MGAT4C: variants seen among roughly 807,000 people sequenced by gnomAD.
MGAT4C encodes MGAT4 family member C.
In MGAT4C, 19 loss-of-function variants were observed where a neutral mutation model predicts 40.1. The ratio of observed to expected loss-of-function variants is 0.47; its 90% CI spans 0.33 to 0.70. The LOEUF (loss-of-function observed/expected upper bound fraction) is 0.70. Ranked by LOEUF, MGAT4C falls within the 30% of genes least tolerant of loss-of-function variation. The probability of loss-of-function intolerance (pLI) is 0.02; values close to 1 mark genes in which losing one functional copy is unlikely to be tolerated. For synonymous variants in MGAT4C, 181 were observed against 187.1 expected (o/e 0.97, Z 0.27); for missense variants, 491 against 563.2 (o/e 0.87, Z 1.30).
At chr12:86,373,253 T>G (rs1955756566) in intron 3 of MGAT4C, among the ~76,000 whole-genome samples, 1 of 151,938 alleles carries the variant, frequency 6.6e-6, no homozygotes, top group Admixed American at 6.6e-5. Context: ...TGCTATTTTA[T>G]TTTTACTGTA....
intron 4 of MGAT4C, among the ~76,000 whole-genome samples, chr12:86,304,770 C>T (rs1239453767): frequency 6.6e-6 from 1 of 150,648 alleles, no homozygotes; most frequent in Non-Finnish European, 1.5e-5. Context: ...AGAAGAGATG[C>T]AGACACATGA....
intron 1 of MGAT4C, among the ~76,000 whole-genome samples, chr12:86,739,370 T>C (rs964665904): frequency 6.6e-6 from 1 of 150,846 alleles, no homozygotes; most frequent in Admixed American, 6.6e-5. Flanking sequence ...ATTTATATAT[T>C]CAGATATAAA....
At chr12:86,397,386 C>T (rs1055362987) in intron 3 of MGAT4C, among the ~76,000 whole-genome samples, 7 of 152,166 alleles carry the variant, frequency 4.6e-5, no homozygotes, top group South Asian at 2.1e-4. Context: ...TCCAAAACCC[C>T]GTTTTAAACC....
At chr12:86,605,602 C>T (rs1962015508) in intron 2 of MGAT4C, among the ~76,000 whole-genome samples, 1 of 152,236 alleles carries the variant, frequency 6.6e-6, no homozygotes, top group South Asian at 2.1e-4. Context: ...TTTAAACAAT[C>T]ATTACTTTGA....
chr12:86,439,235 AT>A (rs1957187192), intron 2 of MGAT4C, among the ~76,000 whole-genome samples: 1 of 152,028 alleles, frequency 6.6e-6, no homozygotes. Context: ...CCACAAAGCA[AT>A]TCTCAATAAA....
chr12:86,250,486 A>G (rs1952230103), intron 1 of MGAT4C, among the ~76,000 whole-genome samples: 1 of 147,808 alleles, frequency 6.8e-6, no homozygotes, highest in Admixed American at 6.9e-5. Flanking sequence ...TTCATCACCA[A>G]TATGAGACAA....
intron 1 of MGAT4C, among the ~76,000 whole-genome samples, chr12:86,236,327 A>G (rs1951542769): frequency 6.6e-6 from 1 of 152,034 alleles, no homozygotes; most frequent in East Asian, 1.9e-4. Flanking sequence ...TACAGTTGGT[A>G]AGATATTTGT....
chr12:86,802,973 A>T (rs775231237), intron 1 of MGAT4C, among the ~76,000 whole-genome samples: 1 of 125,070 alleles, frequency 8.0e-6, no homozygotes, highest in African/African-American at 3.0e-5. Flanking sequence ...CCTAAGCCAA[A>T]AGAACAAAGC....
At chr12:86,106,139 T>C (rs576761149) in intron 1 of MGAT4C, among the ~76,000 whole-genome samples, 1 of 152,322 alleles carries the variant, frequency 6.6e-6, no homozygotes, top group South Asian at 2.1e-4. Context: ...GCATTATTTT[T>C]CTTTTTCTCA....
At chr12:86,379,914 A>G (rs1955897481) in intron 3 of MGAT4C, among the ~76,000 whole-genome samples, 1 of 152,130 alleles carries the variant, frequency 6.6e-6, no homozygotes, top group Admixed American at 6.5e-5. Context: ...CAAATAAGTG[A>G]TTCACAGCAT....
chr12:85,997,482 A>G (rs1886755023), intron 2 of MGAT4C, among the ~76,000 whole-genome samples: 1 of 152,212 alleles, frequency 6.6e-6, no homozygotes, highest in Non-Finnish European at 1.5e-5. Flanking sequence ...GTCTCATCCG[A>G]GACAAGGCAA....
At chr12:86,811,336 A>AT (rs553885593) in intron 1 of MGAT4C, among the ~76,000 whole-genome samples, 2,996 of 106,918 alleles carry the variant, frequency 0.028, 102 homozygotes, top group Middle Eastern at 0.057. Context: ...CACTCATAGT[A>AT]TTTTTTTTTT....
In MGAT4C at chr12:86,504,525, GATTGTTCCTCTGCTCAAAACC is replaced by G. The variant is rs573461199; in HGVS notation, c.-228-69281_-228-69261del. Reference sequence around the variant, plus strand: ...TTAAAAACAAAACTAATTCAGATTAGATTGTTCCTCTGCTCAAAACCTTTAAATGAAACTCCAAGCCAATAT... The same window carrying G: ...TTAAAAACAAAACTAATTCAGATTAGTTTAAATGAAACTCCAAGCCAATAT... On this transcript the variant is annotated intron_variant, in intron 2 of 7. Coordinates refer to the MGAT4C transcript ENST00000548651. Among the ~76,000 whole-genome samples, 491 of 152,200 alleles carry G rather than the reference GATTGTTCCTCTGCTCAAAACC, an allele frequency of 3.2e-3. 1 individual carries two copies. Among genetic ancestry groups the G allele is most frequent in the African/African-American group, 0.011 (474 of 41,534 alleles).
At chr12:86,326,616 A>G (rs1954534625) in intron 4 of MGAT4C, among the ~76,000 whole-genome samples, 1 of 152,142 alleles carries the variant, frequency 6.6e-6, no homozygotes, top group South Asian at 2.1e-4. Flanking sequence ...TAGATTCTAA[A>G]TACATGTGGA....
intron 3 of MGAT4C, among the ~76,000 whole-genome samples, chr12:86,367,786 C>G (rs1007136114): frequency 6.6e-6 from 1 of 151,868 alleles, no homozygotes; most frequent in Non-Finnish European, 1.5e-5. Context: ...GGCGACAGAG[C>G]GAGACTCCGT....
intron 1 of MGAT4C, among the ~76,000 whole-genome samples, chr12:86,163,952 T>C (rs1885897001): frequency 2.6e-5 from 4 of 152,144 alleles, no homozygotes; most frequent in Admixed American, 2.6e-4. Context: ...TGCAAGATAG[T>C]AGATAGCAAA....
chr12:86,225,919 CAT>C (rs1295595996), intron 1 of MGAT4C, among the ~76,000 whole-genome samples: 2 of 151,758 alleles, frequency 1.3e-5, no homozygotes, highest in Admixed American at 1.3e-4. Flanking sequence ...TTGTATTAAA[CAT>C]AGTAGTGGAA....
chr12:85,989,895 C>T (rs1885689374), intron 2 of MGAT4C, among the ~76,000 whole-genome samples: 1 of 152,028 alleles, frequency 6.6e-6, no homozygotes, highest in South Asian at 2.1e-4. Flanking sequence ...AGTCCACTGT[C>T]ATCAGTGAGG....
chr12:86,467,335 TA>T (rs770564550), intron 2 of MGAT4C, among the ~76,000 whole-genome samples: 54 of 152,130 alleles, frequency 3.5e-4, no homozygotes, highest in Non-Finnish European at 5.7e-4. Flanking sequence ...GACAACAAAT[TA>T]AACAAAAAAT....
Sources: allele counts gnomAD v4.1 joint callset (sites outside exome capture counted in the v4.1 genomes callset), GRCh38; gene constraint gnomAD v4.1.1; transcripts MANE v1.5; gene names NCBI Gene and HGNC (gene_info 2026-07-23, HGNC 2026-07-21).